Variants in TTC6 observed in about 807,000 individuals in gnomAD.
TTC6 encodes the protein tetratricopeptide repeat protein 6.
In TTC6, 172 loss-of-function variants were observed where a neutral mutation model predicts 210.4. That is an observed-to-expected ratio of 0.82 (90% CI 0.72 to 0.93). TTC6 has a LOEUF of 0.93. Among genes scored for constraint, TTC6 ranks in the 40% least tolerant of loss-of-function variants. The pLI, the probability that TTC6 is intolerant of heterozygous loss-of-function variation, is 0.00. For synonymous variants in TTC6, 804 were observed against 819.6 expected (o/e 0.98, Z 0.32); for missense variants, 2,414 against 2,318.1 (o/e 1.04, Z -0.85).
In TTC6 at chr14:37,842,253, C is replaced by T. The variant is rs1422560588; in HGVS notation, c.5623C>T (p.Gln1875Ter). The T allele has an allele frequency of 6.2e-7, 1 of 1,607,578 alleles. No individual in the cohort carries two copies. ...TGAGGAAGCTATGGCTGACTATAAC[C>T]AAGCACTTGATCTTGAAGACTATGC... is the stretch of plus-strand genomic sequence containing the variant. Residue 1875 changes from glutamine to a stop codon, truncating the protein, a stop_gained, in exon 31 of 31, where the codon CAA becomes TAA. Coordinates refer to ENST00000553443, the Ensembl canonical transcript of TTC6. LOFTEE classifies it high-confidence loss of function.
At chr14:37,748,645 T>C (rs1182664225) in intron 10 of TTC6, among the ~76,000 whole-genome samples, 2 of 152,108 alleles carry the variant, frequency 1.3e-5, no homozygotes, top group Non-Finnish European at 2.9e-5. Context: ...ATTCCTCTGG[T>C]GGCTGGTATT....
intron 1 of TTC6, among the ~76,000 whole-genome samples, chr14:37,636,325 TG>T (rs2095680634): frequency 1.3e-5 from 2 of 152,328 alleles, no homozygotes; most frequent in South Asian, 2.1e-4. Context: ...TACACATTTT[TG>T]TCAACTGCCC....
chr14:37,725,508 A>ATG (rs2095871401), intron 7 of TTC6, among the ~76,000 whole-genome samples: 1 of 150,816 alleles, frequency 6.6e-6, no homozygotes, highest in African/African-American at 2.4e-5. Context: ...GTGCCACCAC[A>ATG]CCTGGCTAAT....
chr14:37,799,930 G>T (rs1199193433), intron 20 of TTC6, among the ~76,000 whole-genome samples: 1 of 152,152 alleles, frequency 6.6e-6, no homozygotes, highest in Non-Finnish European at 1.5e-5. Context: ...ACCTCTGCTT[G>T]TTCGTCAACA....
At chr14:37,613,964 C>G (rs1419085866) in intron 2 of TTC6, among the ~76,000 whole-genome samples, 1 of 151,696 alleles carries the variant, frequency 6.6e-6, no homozygotes, top group Non-Finnish European at 1.5e-5. Context: ...TGATTTATAT[C>G]CTTATATTTA....
intron 18 of TTC6, among the ~76,000 whole-genome samples, chr14:37,796,074 T>C (rs1192205424): frequency 6.6e-6 from 1 of 152,120 alleles, no homozygotes; most frequent in Non-Finnish European, 1.5e-5. Context: ...ATTTGTGTAT[T>C]TTTCTTTCAG....
chr14:37,724,656 G>A (rs541146287), intron 6 of TTC6, among the ~76,000 whole-genome samples: 2 of 152,080 alleles, frequency 1.3e-5, no homozygotes, highest in Non-Finnish European at 2.9e-5. Context: ...TACTCTACTA[G>A]ATATGGCCAA....
chr14:37,811,324 A>G (rs2096129094), intron 24 of TTC6, among the ~76,000 whole-genome samples: 1 of 152,134 alleles, frequency 6.6e-6, no homozygotes. Context: ...GATTTTTTTT[A>G]TAGTCCTGGC....
At chr14:37,630,480 G>C (rs2095667462) in intron 1 of TTC6, among the ~76,000 whole-genome samples, 1 of 152,142 alleles carries the variant, frequency 6.6e-6, no homozygotes. Context: ...TGCATATGCT[G>C]AGGAGTGTTT....
intron 1 of TTC6, among the ~76,000 whole-genome samples, chr14:37,599,856 C>T (rs567125349): frequency 1.3e-5 from 2 of 152,316 alleles, no homozygotes; most frequent in Middle Eastern, 3.4e-3. Context: ...CCCGCCCAGA[C>T]CTGGGTCCCC....
chr14:37,834,323 T>C (rs2096192946), intron 29 of TTC6, among the ~76,000 whole-genome samples: 2 of 152,192 alleles, frequency 1.3e-5, no homozygotes, highest in African/African-American at 4.8e-5. Context: ...TGAATATTTG[T>C]TCACTTGATG....
chr14:37,761,071 ACTC>A (rs1439166015), intron 14 of TTC6, among the ~76,000 whole-genome samples: 1 of 150,892 alleles, frequency 6.6e-6, no homozygotes, highest in Non-Finnish European at 1.5e-5. Flanking sequence ...ACTAAAAAGA[ACTC>A]CTGCAGCTAG....
chr14:37,677,296 T>A (rs2095772127), intron 1 of TTC6, among the ~76,000 whole-genome samples: 1 of 152,100 alleles, frequency 6.6e-6, no homozygotes, highest in Non-Finnish European at 1.5e-5. Flanking sequence ...AAGTATTTTA[T>A]TCTCATTTAT....
At chr14:37,769,386 CCTCCTTG>C (rs2096010401) in intron 14 of TTC6, among the ~76,000 whole-genome samples, 1 of 151,682 alleles carries the variant, frequency 6.6e-6, no homozygotes, top group East Asian at 1.9e-4. Flanking sequence ...GGTACCAGTT[CCTCCTTG>C]TACCTCTGGT....
intron 10 of TTC6, among the ~76,000 whole-genome samples, chr14:37,744,852 CA>C (rs762397639): frequency 3.9e-5 from 6 of 151,934 alleles, no homozygotes; most frequent in Admixed American, 1.3e-4. Context: ...GCAGGGAGAC[CA>C]GTTAGAAAGC....
intron 6 of TTC6, among the ~76,000 whole-genome samples, chr14:37,720,889 A>T (rs2095860585): frequency 6.6e-6 from 1 of 152,098 alleles, no homozygotes; most frequent in Admixed American, 6.6e-5. Flanking sequence ...GATGATGGAA[A>T]TGTTTTGTAG....
intron 1 of TTC6, among the ~76,000 whole-genome samples, chr14:37,652,029 C>G (rs1007039179): frequency 6.6e-6 from 1 of 152,088 alleles, no homozygotes; most frequent in Non-Finnish European, 1.5e-5. Context: ...CTAACATGGA[C>G]TGGTGGGCAA....
chr14:37,710,595 C>T (rs1201662204), intron 5 of TTC6, among the ~76,000 whole-genome samples: 1 of 152,100 alleles, frequency 6.6e-6, no homozygotes, highest in Non-Finnish European at 1.5e-5. Context: ...GTACAAGCCT[C>T]TTCACATACA....
At chr14:37,804,203 C>T (rs2096113282) in intron 20 of TTC6, among the ~76,000 whole-genome samples, 1 of 151,676 alleles carries the variant, frequency 6.6e-6, no homozygotes, top group Admixed American at 6.6e-5. Flanking sequence ...TTTTTTGGTG[C>T]CAATAAAACC....
Sources: allele counts gnomAD v4.1 joint callset (sites outside exome capture counted in the v4.1 genomes callset), GRCh38; gene constraint gnomAD v4.1.1; transcripts MANE v1.5; gene names NCBI Gene and HGNC (gene_info 2026-07-23, HGNC 2026-07-21).